The following DLG2 variants were observed in gnomAD, a reference collection of about 807,000 sequenced individuals.
DLG2 encodes the protein discs large MAGUK scaffold protein 2.
Under a neutral mutation model 132.5 loss-of-function variants are expected in DLG2, and 45 were observed. The ratio of observed to expected loss-of-function variants is 0.34; its 90% confidence interval spans 0.27 to 0.44. The LOEUF is 0.44. Among genes scored for constraint, DLG2 ranks in the 20% least tolerant of loss-of-function variants. DLG2 has a pLI of 1.00. For synonymous variants in DLG2, 424 were observed against 419.6 expected, an observed-to-expected ratio of 1.01 and a Z score of -0.13; for missense variants, 1,045 against 1,196.9, an observed-to-expected ratio of 0.87 and a Z score of 1.87.
chr11:84,450,955 C>T (rs1365917551), intron 7 of DLG2, among the ~76,000 whole-genome samples: 1 of 151,754 alleles, frequency 6.6e-6, no homozygotes, highest in Non-Finnish European at 1.5e-5. Context: ...TATAACTGAT[C>T]TGTAATCCAA....
At chr11:84,355,274 G>A (rs1288896073) in intron 7 of DLG2, among the ~76,000 whole-genome samples, 2 of 151,970 alleles carry the variant, frequency 1.3e-5, no homozygotes, top group Non-Finnish European at 2.9e-5. Flanking sequence ...AAGGCAAAAC[G>A]GACATCCGCT....
intron 7 of DLG2, among the ~76,000 whole-genome samples, chr11:84,518,918 A>C (rs1042548167): frequency 5.6e-4 from 85 of 152,278 alleles, no homozygotes; most frequent in African/African-American, 2.0e-3. Flanking sequence ...TCAGACATTA[A>C]TACTCAGACA....
chr11:84,230,462 T>C (rs564028533), intron 8 of DLG2, among the ~76,000 whole-genome samples: 1 of 152,250 alleles, frequency 6.6e-6, no homozygotes, highest in Non-Finnish European at 1.5e-5. Context: ...TGTAAAAGTA[T>C]AAAATAAATG....
At chr11:83,734,892 C>T (rs11600452) in intron 18 of DLG2, among the ~76,000 whole-genome samples, 54,094 of 151,196 alleles carry the variant, frequency 0.36, 11,390 homozygotes, top group African/African-American at 0.59. Context: ...TATATATATA[C>T]ACATATGTAT....
At chr11:84,700,542 A>C (rs2059113009) in intron 6 of DLG2, among the ~76,000 whole-genome samples, 2 of 151,686 alleles carry the variant, frequency 1.3e-5, no homozygotes, top group South Asian at 4.1e-4. Flanking sequence ...ATCTTATTCA[A>C]ACATAACATC....
At chr11:84,254,173 T>C (rs1295507933) in intron 7 of DLG2, among the ~76,000 whole-genome samples, 1 of 152,186 alleles carries the variant, frequency 6.6e-6, no homozygotes, top group Non-Finnish European at 1.5e-5. Context: ...CCATATTTTC[T>C]AGTATAGCTT....
intron 3 of DLG2, among the ~76,000 whole-genome samples, chr11:85,307,322 T>C (rs1174475564): frequency 6.6e-6 from 1 of 152,114 alleles, no homozygotes; most frequent in African/African-American, 2.4e-5. Context: ...AAAGAAAGAT[T>C]GTTAGAGATA....
At chr11:84,559,558 A>G (rs1013026856) in intron 6 of DLG2, among the ~76,000 whole-genome samples, 1 of 152,150 alleles carries the variant, frequency 6.6e-6, no homozygotes, top group Non-Finnish European at 1.5e-5. Context: ...TAATATAATA[A>G]GCATATAATA....
At chr11:83,474,314 G>C (rs770423493) in intron 22 of DLG2, among the ~76,000 whole-genome samples, 6 of 152,098 alleles carry the variant, frequency 3.9e-5, no homozygotes, top group Non-Finnish European at 7.4e-5. Context: ...CTAACCCCCA[G>C]TTATCTAAAG....
chr11:84,119,639 GC>G (rs1436714363), intron 9 of DLG2, among the ~76,000 whole-genome samples: 2 of 151,866 alleles, frequency 1.3e-5, no homozygotes, highest in Admixed American at 6.6e-5. Context: ...TTTTTGATGT[GC>G]CCCATTTTTA....
intron 6 of DLG2, among the ~76,000 whole-genome samples, chr11:84,600,794 G>A (rs568213190): frequency 1.1e-4 from 17 of 152,142 alleles, no homozygotes; most frequent in South Asian, 2.1e-4. Context: ...AGAAATCTGC[G>A]AAATGAAACT....
intron 5 of DLG2, among the ~76,000 whole-genome samples, chr11:85,136,511 GGGCCT>G (rs1377692024): frequency 6.6e-6 from 1 of 152,062 alleles, no homozygotes; most frequent in Non-Finnish European, 1.5e-5. Flanking sequence ...GTGCTCAGTT[GGGCCT>G]GTGATTTTCA....
intron 3 of DLG2, among the ~76,000 whole-genome samples, chr11:85,431,072 T>C (rs796219560): frequency 7.2e-5 from 11 of 152,336 alleles, no homozygotes; most frequent in African/African-American, 2.4e-4. Context: ...CAAACATGTA[T>C]AGAATGCTTC....
In DLG2 at chr11:84,531,648, C is replaced by T. The variant is rs1479338255; in HGVS notation, c.519+2922G>A. Reference sequence around the variant, plus strand: ...TCCCTTTCCCTCCTCTTCACAATACCTTGGGGCCATACCACAGAACTGGTG... The same window carrying T: ...TCCCTTTCCCTCCTCTTCACAATACTTTGGGGCCATACCACAGAACTGGTG... On this transcript the variant is annotated intron_variant, in intron 7 of 27. Transcript: ENST00000376104. Among the ~76,000 whole-genome samples the T allele has an allele frequency of 2.6e-5, 4 of 152,088 alleles. No homozygotes were observed. The South Asian group carries it at 8.3e-4, about 32-fold the overall frequency.
intron 7 of DLG2, among the ~76,000 whole-genome samples, chr11:84,259,297 T>C (rs369283239): frequency 2.3e-3 from 1 of 436 alleles, no homozygotes; most frequent in Admixed American, 0.033. Flanking sequence ...TAGGTTATTA[T>C]ACTTATTACT....
At chr11:84,867,412 G>C (rs1328071825) in intron 6 of DLG2, among the ~76,000 whole-genome samples, 2 of 152,140 alleles carry the variant, frequency 1.3e-5, no homozygotes, top group East Asian at 3.9e-4. Context: ...GGAATTTCCA[G>C]GTAAGTAATC....
chr11:84,287,879 G>C (rs546287953), intron 7 of DLG2, among the ~76,000 whole-genome samples: 41 of 152,072 alleles, frequency 2.7e-4, no homozygotes, highest in Non-Finnish European at 5.4e-4. Context: ...GATCAGGTGA[G>C]AGCCAATAGG....
At chr11:85,250,491 T>C (rs2076345248) in intron 4 of DLG2, among the ~76,000 whole-genome samples, 1 of 152,172 alleles carries the variant, frequency 6.6e-6, no homozygotes, top group African/African-American at 2.4e-5. Context: ...GTACTTGTCT[T>C]GGGATAACAC....
At chr11:85,155,956 C>T (rs573370172) in intron 4 of DLG2, among the ~76,000 whole-genome samples, 1 of 152,182 alleles carries the variant, frequency 6.6e-6, no homozygotes, top group African/African-American at 2.4e-5. Flanking sequence ...ATGGTTTTTG[C>T]CAACTCTCCT....
Sources: gnomAD v4.1 joint callset for allele counts (sites outside exome capture counted in the v4.1 genomes callset) on GRCh38, gnomAD v4.1.1 for gene constraint, MANE v1.5 for transcripts, NCBI Gene and HGNC (gene_info 2026-07-23, HGNC 2026-07-21) for gene names.